Variants in THBS4 observed in about 807,000 individuals in gnomAD.
THBS4 encodes thrombospondin-4.
A neutral mutation model predicts 115.7 loss-of-function variants in THBS4; 90 were observed. The ratio of observed to expected loss-of-function variants is 0.78; its 90% confidence interval spans 0.66 to 0.93. THBS4 has a LOEUF of 0.93. THBS4 is among the 40% of genes least tolerant of loss of function. The pLI, the probability that THBS4 is intolerant of heterozygous loss-of-function variation, is 0.00. For synonymous variants in THBS4, 460 were observed against 479.3 expected (o/e 0.96, Z 0.53); for missense variants, 1,087 against 1,232.7 (o/e 0.88, Z 1.77).
At chr5:80,045,871 T>C (rs1833051653) in intron 2 of THBS4, among the ~76,000 whole-genome samples, 1 of 152,166 alleles carries the variant, frequency 6.6e-6, no homozygotes, top group Non-Finnish European at 1.5e-5. Context: ...TGTTAAAAGC[T>C]CAAAGCCTAT....
intron 1 of THBS4, among the ~76,000 whole-genome samples, chr5:79,994,142 G>T (rs1831742799): frequency 6.6e-6 from 1 of 152,146 alleles, no homozygotes. Flanking sequence ...ATTTCTACAT[G>T]CCAGAAGTTG....
At chr5:80,028,752 C>G (rs1007625695) in intron 2 of THBS4, among the ~76,000 whole-genome samples, 3 of 152,124 alleles carry the variant, frequency 2.0e-5, no homozygotes, top group Admixed American at 2.0e-4. Flanking sequence ...AGCTACCATG[C>G]CCGGCCCACA....
intron 12 of THBS4, 115 bp downstream of exon 12, chr5:80,070,865 A>G: frequency 6.4e-7 from 1 of 1,561,768 alleles, no homozygotes; most frequent in Non-Finnish European, 8.7e-7. Context: ...CCATGCCTGC[A>G]TTCCACAGCA....
rs1242804298 is a variant in THBS4, at chr5:80,023,862, A to T, written n.178-16215A>T. 2.6e-5 allele frequency among the ~76,000 whole-genome samples: 4 copies of T among 152,124 alleles called. No individual in the cohort carries two copies. The East Asian group carries it at 5.8e-4, about 22-fold the overall frequency. Reference sequence around the variant, plus strand: ...AAACCAAGGAGCCAGGCTCTTTCTCACAACCCATCCCATTCTAATCCATCC... The same window carrying T: ...AAACCAAGGAGCCAGGCTCTTTCTCTCAACCCATCCCATTCTAATCCATCC... On this transcript the variant is annotated intron_variant and non_coding_transcript_variant, in intron 2 of 3. Coordinates refer to the THBS4 transcript ENST00000510218.
Position 80,035,410 on chromosome 5 carries a change from C to A in THBS4, c.-128C>A. ...AGCGCGCCCCCGACGGCAGCCCGGA[C>A]GCCGAGCACGGGTCACCTGCGGCGC... On this transcript the variant is annotated 5_prime_UTR_variant, in exon 1 of 22. Transcript: ENST00000350881. This position sits in a 1 kb window ranked among gnomAD's most constrained non-coding sequence, Gnocchi z 4.6. The A allele has an allele frequency of 2.1e-6, 1 of 471,604 alleles. No individual in the cohort carries two copies. Among genetic ancestry groups the A allele is most frequent in the Admixed American group, 5.0e-5 (1 of 20,110 alleles). 29.2% of individuals were successfully genotyped at this position (471,604 alleles called of 1,614,324 possible). A position where few individuals can be genotyped will look rare whatever the true frequency, so the allele number is the denominator to read the frequency against.
intron 2 of THBS4, among the ~76,000 whole-genome samples, chr5:80,009,247 A>T (rs578002572): frequency 3.3e-5 from 5 of 152,232 alleles, no homozygotes; most frequent in African/African-American, 1.2e-4. Context: ...ATTCCAACCT[A>T]GACCACCTAG....
chr5:80,056,472 G>A (rs1833436443), intron 3 of THBS4, among the ~76,000 whole-genome samples: 2 of 152,142 alleles, frequency 1.3e-5, no homozygotes, highest in Non-Finnish European at 1.5e-5. Context: ...TTTCATAACA[G>A]CATTTTCACA....
chr5:80,062,088 A>C (rs892785460), intron 8 of THBS4, among the ~76,000 whole-genome samples: 1 of 152,180 alleles, frequency 6.6e-6, no homozygotes, highest in Non-Finnish European at 1.5e-5. Flanking sequence ...TAATATGGCT[A>C]TTGGCATAAT....
chr5:80,035,794 G>A lies in THBS4; in HGVS notation c.88+169G>A, dbSNP rs1332509007. ...GTGATTGGAGGTAGTGATTAGTCTA[G>A]AATTTTCCGAAATTCGATTATCCAA... is the stretch of plus-strand genomic sequence containing the variant. On this transcript the variant is annotated intron_variant, in intron 1 of 21. Coordinates refer to ENST00000350881, the MANE Select transcript of THBS4 (RefSeq NM_003248.6). The surrounding 1 kb of genome is among the most constrained non-coding windows in gnomAD (Gnocchi z 4.6). 6.6e-6 allele frequency among the ~76,000 whole-genome samples: 1 copy of A among 152,210 alleles called. No individual in the cohort carries two copies. Among genetic ancestry groups the A allele is most frequent in the Non-Finnish European group, 1.5e-5 (1 of 68,036 alleles).
At chr5:79,991,337 G>T (rs1831666868) in exon 1 of THBS4, 2 of 1,136,166 alleles carry the variant, frequency 1.8e-6, no homozygotes, top group East Asian at 5.3e-5. Context: ...AGGGTAATTT[G>T]GGGGCTCTTG....
At chr5:80,076,759 A>G (rs1019380898) in intron 15 of THBS4, 96 bp from the exon 16 acceptor site, 1 of 1,255,760 alleles carries the variant, frequency 8.0e-7, no homozygotes, top group African/African-American at 1.5e-5. Context: ...ACCCTGGTTT[A>G]AAAAAAACCT....
chr5:80,083,006 G>A (rs1743601411), intron 21 of THBS4, 74 bp from the exon 22 acceptor site: 1 of 1,410,898 alleles, frequency 7.1e-7, no homozygotes, highest in Non-Finnish European at 1.0e-6. Context: ...CAGGACGCCT[G>A]AGCCGCGGGC....
In THBS4 at chr5:80,068,130, G is replaced by A. The variant is rs1039984638; in HGVS notation, c.1347+5G>A. 13 of 1,612,896 alleles carry A rather than the reference G, an allele frequency of 8.1e-6. No homozygotes were observed. The highest frequency in any genetic ancestry group is 1.1e-5 in the Non-Finnish European group (13 of 1,179,556). On this transcript the variant is annotated splice_donor_5th_base_variant and intron_variant, in intron 10 of 21. Transcript: ENST00000350881. ...CAGGGGGATGTGACATGTGTGGTAA[G>A]TTGTTTTTTGACTTCCTCTATCATT...
chr5:80,050,733 T>C (rs1225809720), intron 2 of THBS4, among the ~76,000 whole-genome samples: 1 of 152,188 alleles, frequency 6.6e-6, no homozygotes, highest in Non-Finnish European at 1.5e-5. Flanking sequence ...CAATTTTGCT[T>C]CAGAGTCAAA....
intron 1 of THBS4, among the ~76,000 whole-genome samples, chr5:79,996,939 T>C (rs1315061470): frequency 1.3e-5 from 2 of 151,976 alleles, no homozygotes; most frequent in Non-Finnish European, 2.9e-5. Flanking sequence ...CAATAGACTG[T>C]GATGTTAAAT....
intron 2 of THBS4, among the ~76,000 whole-genome samples, chr5:80,021,198 A>G (rs1323192004): frequency 6.6e-6 from 1 of 152,156 alleles, no homozygotes; most frequent in Non-Finnish European, 1.5e-5. Context: ...AGACCATTTC[A>G]GGGGGTTCAC....
At chr5:80,042,822 C>T (rs994844776) in intron 2 of THBS4, among the ~76,000 whole-genome samples, 2 of 151,950 alleles carry the variant, frequency 1.3e-5, no homozygotes, top group African/African-American at 2.4e-5. Context: ...AAAAATTAGC[C>T]AGGCATGGCA....
intron 2 of THBS4, among the ~76,000 whole-genome samples, chr5:80,021,027 T>C (rs2151158403): frequency 6.6e-6 from 1 of 152,322 alleles, no homozygotes; most frequent in Admixed American, 6.5e-5. Flanking sequence ...CAAGTTTCCT[T>C]TACTACCACT....
In THBS4 at chr5:80,082,594, A is replaced by G. The variant is rs763522933; in HGVS notation, c.2824+49A>G. ...TCAACATTGTTACTAGAATTAGTCA[A>G]ACACTGCCACCTTATTTTTATACCG... On this transcript the variant is annotated intron_variant, in intron 21 of 21. Coordinates refer to ENST00000350881, the MANE Select transcript of THBS4 (RefSeq NM_003248.6). The G allele has an allele frequency of 5.0e-6, 8 of 1,606,068 alleles. No homozygotes were observed. The Admixed American group carries it at 1.3e-4, about 27-fold the overall frequency.
Sources: allele counts gnomAD v4.1 joint callset (sites outside exome capture counted in the v4.1 genomes callset), GRCh38; gene constraint gnomAD v4.1.1; non-coding constraint Gnocchi (gnomAD v3.1); transcripts MANE v1.5; gene names NCBI Gene and HGNC (gene_info 2026-07-23, HGNC 2026-07-21).